The following SLC1A3 variants were observed in gnomAD, a reference collection of about 807,000 sequenced individuals.
SLC1A3 encodes the protein excitatory amino acid transporter 1.
Under a neutral mutation model 48.1 loss-of-function variants are expected in SLC1A3, and 21 were observed. The ratio of observed to expected loss-of-function variants is 0.44; its 90% CI spans 0.31 to 0.63. The LOEUF is 0.63. SLC1A3 is among the 20% of genes least tolerant of loss of function. The probability of loss-of-function intolerance (pLI) is 0.08; values close to 1 mark genes in which losing one functional copy is unlikely to be tolerated. For synonymous variants in SLC1A3, 239 were observed against 251.4 expected (o/e 0.95, Z 0.47); for missense variants, 546 against 689.0 (o/e 0.79, Z 2.32).
At chr5:36,639,941 C>T (rs960354487) in intron 3 of SLC1A3, among the ~76,000 whole-genome samples, 7 of 151,980 alleles carry the variant, frequency 4.6e-5, no homozygotes, top group Admixed American at 1.3e-4. Context: ...ACCCGCATTC[C>T]GTTATAAAAA....
At chr5:36,643,314 C>T (rs1740694201) in intron 3 of SLC1A3, among the ~76,000 whole-genome samples, 1 of 152,208 alleles carries the variant, frequency 6.6e-6, no homozygotes, top group African/African-American at 2.4e-5. Flanking sequence ...TTCTTACCAA[C>T]ACTTCTTATT....
Position 36,629,837 on chromosome 5 carries a change from C to CG in SLC1A3, c.319+251dup, listed in dbSNP as rs1490105871. The CG allele has an allele frequency of 2.1e-5, 10 of 481,530 alleles. 1 individual carries two copies. The East Asian group carries it at 3.3e-4, about 16-fold the overall frequency. 29.8% of individuals were successfully genotyped at this position (481,530 alleles called of 1,614,324 possible). On this transcript the variant is annotated intron_variant, in intron 3 of 9. Coordinates refer to ENST00000265113, the MANE Select transcript of SLC1A3 (RefSeq NM_004172.5). ...GTAATCTGGTTCGCCTCACAGTGAA[C>CG]GAGGTGCCCTGCTAAACACCACACC... is the stretch of plus-strand genomic sequence containing the variant.
At chr5:36,680,632 T>G (rs376105109) in intron 8 of SLC1A3, 43 bp downstream of exon 8, 85 of 1,552,818 alleles carry the variant, frequency 5.5e-5, no homozygotes, top group Non-Finnish European at 7.5e-5. Context: ...AAGAATGCCT[T>G]TAAGGCTGGG....
At chr5:36,621,590 A>G in intron 2 of SLC1A3, among the ~76,000 whole-genome samples, 1 of 152,218 alleles carries the variant, frequency 6.6e-6, no homozygotes, top group East Asian at 1.9e-4. Flanking sequence ...GCCAATAAGG[A>G]GGGTGACTTT....
At chr5:36,626,962 A>T (rs531323168) in intron 2 of SLC1A3, among the ~76,000 whole-genome samples, 1 of 152,272 alleles carries the variant, frequency 6.6e-6, no homozygotes, top group East Asian at 1.9e-4. Flanking sequence ...GGGGGAGGGA[A>T]ATTAAAATGT....
At position 36,679,738 on chromosome 5, in the gene SLC1A3, C is replaced by A; in HGVS notation, c.972C>A (p.Gly324=). The A allele has an allele frequency of 6.2e-7, 1 of 1,614,084 alleles. No individual in the cohort carries two copies. The highest frequency in any genetic ancestry group is 8.5e-7 in the Non-Finnish European group (1 of 1,179,962). Residue 324 remains glycine, a synonymous_variant, in exon 7 of 10, where the codon GGC becomes GGA. Transcript: ENST00000265113. The part of the protein sequence containing the change: ...LAMYTVTVIV[G]LLIHAVIVLP... Reference sequence around the variant, plus strand: ...TGTACACCGTGACTGTCATTGTTGGCTTACTCATTCACGCAGTCATCGTCT... The same window carrying A: ...TGTACACCGTGACTGTCATTGTTGGATTACTCATTCACGCAGTCATCGTCT...
At position 36,688,102 on chromosome 5, in the gene SLC1A3, G is replaced by A. The variant is rs901011266; in HGVS notation, c.*1833G>A. On this transcript the variant is annotated 3_prime_UTR_variant, in exon 10 of 10. Coordinates refer to ENST00000265113, the MANE Select transcript of SLC1A3 (RefSeq NM_004172.5). ...AAATACACTACAAATGTTAAAGTAC[G>A]TGGCTGTCCTCTTAAGACACTAGTA... is the stretch of plus-strand genomic sequence containing the variant. 4 of 152,178 alleles carry A rather than the reference G, an allele frequency of 2.6e-5. No homozygotes were observed. The highest frequency in any genetic ancestry group is 1.3e-4 in the Admixed American group (2 of 15,272). 9.4% of individuals were successfully genotyped at this position (152,178 alleles called of 1,614,324 possible). A position where few individuals can be genotyped will look rare whatever the true frequency, so the allele number is the denominator to read the frequency against.
In SLC1A3 at chr5:36,638,349, C is replaced by T. The variant is rs554756776; in HGVS notation, c.319+8762C>T. ...ACCAGCTTTATTGCCTGCTGCTCTC[C>T]TGGCAGAAACCCTGTCCCTCTCTCA... On this transcript the variant is annotated intron_variant, in intron 3 of 9. Coordinates refer to ENST00000265113, the MANE Select transcript of SLC1A3 (RefSeq NM_004172.5). Among the ~76,000 whole-genome samples the T allele has an allele frequency of 5.3e-5, 8 of 152,348 alleles. No homozygotes were observed. The East Asian group carries it at 1.5e-3, about 29-fold the overall frequency.
chr5:36,596,681 G>T (rs1331597395), intron 1 of SLC1A3, among the ~76,000 whole-genome samples: 1 of 152,202 alleles, frequency 6.6e-6, no homozygotes, highest in Non-Finnish European at 1.5e-5. Context: ...CTTGAGGGGT[G>T]AGTTCCATCT....
At chr5:36,645,138 T>C (rs1740783075) in intron 3 of SLC1A3, among the ~76,000 whole-genome samples, 1 of 152,176 alleles carries the variant, frequency 6.6e-6, no homozygotes, top group African/African-American at 2.4e-5. Flanking sequence ...TTATGAGCTC[T>C]AATTCCAAGT....
intron 3 of SLC1A3, among the ~76,000 whole-genome samples, chr5:36,653,137 A>T (rs1230713179): frequency 1.3e-5 from 2 of 152,204 alleles, no homozygotes; most frequent in Non-Finnish European, 2.9e-5. Flanking sequence ...CTTAATGAAT[A>T]AGTTAGCATG....
At chr5:36,657,882 T>C (rs1297752110) in intron 3 of SLC1A3, among the ~76,000 whole-genome samples, 1 of 152,262 alleles carries the variant, frequency 6.6e-6, no homozygotes, top group East Asian at 1.9e-4. Flanking sequence ...CACTGTACTC[T>C]GCGCTGACCG....
At position 36,676,860 on chromosome 5, in the gene SLC1A3, C is replaced by T. The variant is rs146399057; in HGVS notation, c.568-32C>T. 2,990 of 1,546,912 alleles carry T rather than the reference C, an allele frequency of 1.9e-3. 41 individuals are homozygous for T. The African/African-American group carries it at 0.034, about 18-fold the overall frequency. On this transcript the variant is annotated intron_variant, in intron 5 of 9. Transcript: ENST00000265113. ...ATATAAAGAAAAAAATAAAAATCAC[C>T]TTTAATCCTCGTTGTGCTTTTTATT...
In SLC1A3 at chr5:36,671,104, T is replaced by C; in HGVS notation, c.395T>C (p.Ile132Thr). ...GTAGTCTATTATATGACTACCACCA[T>C]CATTGCTGTGGTGATTGGCATAATC... ...RAVVYYMTTTIIAVVIGIIIV... is the reference protein window; with the variant it reads ...RAVVYYMTTTTIAVVIGIIIV... Residue 132 changes from isoleucine to threonine, a missense_variant, in exon 4 of 10, where the codon ATC becomes ACC. Around this residue, in one of 3 missense-constraint regions of SLC1A3, gnomAD observed 348 missense variants for 392.0 expected, o/e 0.89. Transcript: ENST00000265113. 6.2e-7 allele frequency: 1 copy of C among 1,612,266 alleles called. No homozygotes were observed. The highest frequency in any genetic ancestry group is 8.5e-7 in the Non-Finnish European group (1 of 1,178,282).
chr5:36,601,455 G>C (rs1437843116), upstream of SLC1A3, among the ~76,000 whole-genome samples: 1 of 152,228 alleles, frequency 6.6e-6, no homozygotes, highest in Non-Finnish European at 1.5e-5. Flanking sequence ...GTCTAACCTA[G>C]TTTTACGGAT....
chr5:36,663,210 CTTGT>C (rs940726380), intron 3 of SLC1A3, among the ~76,000 whole-genome samples: 2 of 151,634 alleles, frequency 1.3e-5, no homozygotes, highest in African/African-American at 2.4e-5. Context: ...ATTTTCTTTT[CTTGT>C]TTGTTTGTTT....
In SLC1A3 at chr5:36,686,051, C is replaced by A; in HGVS notation, c.1425-14C>A. The A allele has an allele frequency of 6.2e-7, 1 of 1,611,960 alleles. No individual in the cohort carries two copies. The highest frequency in any genetic ancestry group is 2.2e-5 in the East Asian group (1 of 44,880). On this transcript the variant is annotated splice_polypyrimidine_tract_variant and intron_variant, in intron 9 of 9. Transcript: ENST00000265113. ...GGGAGCCTCGTTTTTCCCTCCTCCC[C>A]ACCCTGCCTGCAGGGATCGCCTCCG...
chr5:36,605,784 C>T (rs1164707027), upstream of SLC1A3, among the ~76,000 whole-genome samples: 1 of 152,048 alleles, frequency 6.6e-6, no homozygotes, highest in Non-Finnish European at 1.5e-5. Context: ...ACTAGAAGCT[C>T]AAGTTACCTT....
intron 2 of SLC1A3, among the ~76,000 whole-genome samples, chr5:36,612,260 G>A (rs754761197): frequency 6.6e-6 from 1 of 152,026 alleles, no homozygotes; most frequent in East Asian, 1.9e-4. Context: ...GAAAGAAATC[G>A]GTGAATCATC....
Sources: allele counts gnomAD v4.1 joint callset (sites outside exome capture counted in the v4.1 genomes callset), GRCh38; gene constraint gnomAD v4.1.1; regional missense constraint gnomAD v4.1.1; transcripts MANE v1.5; gene names NCBI Gene and HGNC (gene_info 2026-07-23, HGNC 2026-07-21).